SPTLC3: variants seen among roughly 807,000 people sequenced by gnomAD.
SPTLC3 encodes serine palmitoyltransferase long chain base subunit 3.
A neutral mutation model predicts 59.3 loss-of-function variants in SPTLC3; 36 were observed. The observed-to-expected ratio is 0.61, with a 90% CI of 0.47 to 0.80. The LOEUF is 0.80. SPTLC3 is among the 30% of genes least tolerant of loss of function. The pLI is 0.00. For synonymous variants in SPTLC3, 257 were observed against 240.8 expected, an observed-to-expected ratio of 1.07 and a Z score of -0.62; for missense variants, 625 against 685.1, an observed-to-expected ratio of 0.91 and a Z score of 0.98.
intron 2 of SPTLC3, among the ~76,000 whole-genome samples, chr20:13,052,853 C>G (rs971265528): frequency 4.6e-5 from 7 of 152,186 alleles, no homozygotes; most frequent in African/African-American, 1.4e-4. Flanking sequence ...TTCCTCCTCT[C>G]TGGGCCTGGC....
At chr20:13,148,704 C>T (rs532386945) in intron 9 of SPTLC3, among the ~76,000 whole-genome samples, 1 of 152,308 alleles carries the variant, frequency 6.6e-6, no homozygotes, top group South Asian at 2.1e-4. Flanking sequence ...TGAGACATCC[C>T]AGTCTGCTTG....
chr20:13,052,097 G>C (rs952602473), intron 2 of SPTLC3, among the ~76,000 whole-genome samples: 1 of 152,084 alleles, frequency 6.6e-6, no homozygotes, highest in African/African-American at 2.4e-5. Context: ...GGCCGAACAG[G>C]AACAGCTGTG....
chr20:13,083,380 T>A (rs1988906126), intron 4 of SPTLC3, among the ~76,000 whole-genome samples: 1 of 152,150 alleles, frequency 6.6e-6, no homozygotes, highest in African/African-American at 2.4e-5. Flanking sequence ...GAGCTAGAAC[T>A]GAAAGACCAC....
intron 1 of SPTLC3, among the ~76,000 whole-genome samples, chr20:13,034,126 T>G (rs1368585278): frequency 6.6e-6 from 1 of 152,016 alleles, no homozygotes; most frequent in Non-Finnish European, 1.5e-5. Context: ...ATAACTAAGC[T>G]CTATACTGAA....
intron 10 of SPTLC3, among the ~76,000 whole-genome samples, chr20:13,159,392 T>C (rs75410759): frequency 0.021 from 3,180 of 152,236 alleles, 108 homozygotes; most frequent in African/African-American, 0.072. Flanking sequence ...TATGAAACAA[T>C]CAGGAGACCT....
chr20:13,112,790 C>T (rs1990309535), intron 7 of SPTLC3, among the ~76,000 whole-genome samples: 1 of 152,190 alleles, frequency 6.6e-6, no homozygotes, highest in Non-Finnish European at 1.5e-5. Flanking sequence ...TCAATTTCCT[C>T]ATCTGTAAAA....
chr20:13,142,543 T>C (rs2122890300), intron 9 of SPTLC3, among the ~76,000 whole-genome samples: 1 of 152,344 alleles, frequency 6.6e-6, no homozygotes, highest in East Asian at 1.9e-4. Context: ...TGTGTGGGTC[T>C]GGGCTAGAGA....
At chr20:13,085,143 C>G (rs762035327) in intron 4 of SPTLC3, among the ~76,000 whole-genome samples, 4 of 152,128 alleles carry the variant, frequency 2.6e-5, no homozygotes, top group Non-Finnish European at 5.9e-5. Context: ...GATGGAGGGT[C>G]TTTAACCCAG....
intron 2 of SPTLC3, among the ~76,000 whole-genome samples, chr20:13,056,297 G>C (rs903570531): frequency 6.6e-6 from 1 of 152,102 alleles, no homozygotes; most frequent in Non-Finnish European, 1.5e-5. Flanking sequence ...AGATAAATGT[G>C]CCTTTCACAT....
chr20:13,109,242 GC>G (rs777103719), intron 6 of SPTLC3, among the ~76,000 whole-genome samples: 1 of 152,280 alleles, frequency 6.6e-6, no homozygotes. Flanking sequence ...AGATTATTCT[GC>G]CAGACATTCA....
At chr20:13,146,152 C>A (rs112577153) in intron 9 of SPTLC3, among the ~76,000 whole-genome samples, 2,799 of 152,240 alleles carry the variant, frequency 0.018, 55 homozygotes, top group South Asian at 0.03. Flanking sequence ...GGAGGCTATT[C>A]TCCTTAGCAA....
chr20:13,029,970 G>A (rs1986351700), intron 1 of SPTLC3, among the ~76,000 whole-genome samples: 1 of 152,260 alleles, frequency 6.6e-6, no homozygotes, highest in East Asian at 1.9e-4. Flanking sequence ...TAGCATCAGG[G>A]GACAGGAAAT....
At chr20:13,054,307 A>G (rs1040114902) in intron 2 of SPTLC3, among the ~76,000 whole-genome samples, 4 of 152,218 alleles carry the variant, frequency 2.6e-5, no homozygotes, top group African/African-American at 9.6e-5. Context: ...TATAAGAACA[A>G]TGGGAAAGTA....
At chr20:13,140,158 T>C (rs1227333962) in intron 9 of SPTLC3, among the ~76,000 whole-genome samples, 1 of 152,150 alleles carries the variant, frequency 6.6e-6, no homozygotes, top group Non-Finnish European at 1.5e-5. Context: ...ATTTTGGAAA[T>C]AGTAGCATAC....
At position 13,164,980 on chromosome 20, in the gene SPTLC3, G is replaced by C; in HGVS notation, c.*113G>C. ...TTCCTCAGGACAATTTTGGTTCCCA[G>C]ACCAGCTTGATTGAACTGAGGGAGA... is the stretch of plus-strand genomic sequence containing the variant. On this transcript the variant is annotated 3_prime_UTR_variant, in exon 12 of 12. Coordinates refer to ENST00000399002, the MANE Select transcript of SPTLC3 (RefSeq NM_018327.4). 1 of 834,806 alleles carries C rather than the reference G, an allele frequency of 1.2e-6. No homozygotes were observed. Among genetic ancestry groups the C allele is most frequent in the South Asian group, 1.8e-5 (1 of 55,606 alleles). The allele number at this position is 834,806 out of a possible 1,614,324, so 51.7% of individuals were successfully genotyped here.
At chr20:13,136,193 G>A (rs1488852748) in intron 9 of SPTLC3, among the ~76,000 whole-genome samples, 2 of 152,020 alleles carry the variant, frequency 1.3e-5, no homozygotes, top group Admixed American at 1.3e-4. Flanking sequence ...AGGCAGGGGA[G>A]GGGACAATGT....
In SPTLC3 at chr20:13,162,701, C is replaced by T. The variant is rs183406095; in HGVS notation, c.1546-2053C>T. Among the ~76,000 whole-genome samples, 3 of 152,320 alleles carry T rather than the reference C, an allele frequency of 2.0e-5. No individual in the cohort carries two copies. In the East Asian group the frequency reaches 5.8e-4, roughly 29 times the overall value. On this transcript the variant is annotated intron_variant, in intron 11 of 11. Coordinates refer to ENST00000399002, the MANE Select transcript of SPTLC3 (RefSeq NM_018327.4). Reference sequence around the variant, plus strand: ...CTCATTCACCAATAACAACTCTAGCCTCGCTTTCATTCTCTCGCCTTTCAG... The same window carrying T: ...CTCATTCACCAATAACAACTCTAGCTTCGCTTTCATTCTCTCGCCTTTCAG...
At chr20:13,070,900 T>C (rs1988411420) in intron 2 of SPTLC3, among the ~76,000 whole-genome samples, 1 of 152,102 alleles carries the variant, frequency 6.6e-6, no homozygotes, top group South Asian at 2.1e-4. Context: ...ATTCCCAGCA[T>C]ACAAACCCAC....
intron 1 of SPTLC3, among the ~76,000 whole-genome samples, chr20:13,038,316 T>G (rs2122460695): frequency 6.6e-6 from 1 of 152,240 alleles, no homozygotes; most frequent in Non-Finnish European, 1.5e-5. Context: ...CATCTGGGAT[T>G]GGGCTTTTTC....
Sources: gnomAD v4.1 joint callset for allele counts (sites outside exome capture counted in the v4.1 genomes callset) on GRCh38, gnomAD v4.1.1 for gene constraint, MANE v1.5 for transcripts, NCBI Gene and HGNC (gene_info 2026-07-23, HGNC 2026-07-21) for gene names.